Variants in IFT74 observed in about 807,000 individuals in gnomAD.
IFT74 encodes intraflagellar transport 74.
Under a neutral mutation model 96.7 loss-of-function variants are expected in IFT74, and 92 were observed. The ratio of observed to expected loss-of-function variants is 0.95; its 90% CI spans 0.80 to 1.13. The LOEUF is 1.13. IFT74 is among the 50% of genes most tolerant of loss of function. The pLI is 0.00. For synonymous variants in IFT74, 223 were observed against 213.2 expected (o/e 1.05, Z -0.40); for missense variants, 811 against 698.2 (o/e 1.16, Z -1.82).
intron 13 of IFT74, among the ~76,000 whole-genome samples, chr9:27,034,415 C>G (rs1056735931): frequency 6.6e-6 from 1 of 152,084 alleles, no homozygotes; most frequent in African/African-American, 2.4e-5. Flanking sequence ...CTATAGTATA[C>G]TTTTTCATAC....
At chr9:26,950,020 C>T (rs1447439872) in intron 1 of IFT74, among the ~76,000 whole-genome samples, 2 of 151,682 alleles carry the variant, frequency 1.3e-5, no homozygotes, top group Non-Finnish European at 2.9e-5. Context: ...TATAGAAAAG[C>T]AAGCTAATTA....
Position 26,984,436 on chromosome 9 carries a change from G to A in IFT74, c.405-63G>A, listed in dbSNP as rs572346853. ...TGTAGCTATCCATATTGTTTGTAATGTTCATTTTCTTATGTATATTTTTAT... is the reference window on the plus strand; with the variant it reads ...TGTAGCTATCCATATTGTTTGTAATATTCATTTTCTTATGTATATTTTTAT... On this transcript the variant is annotated intron_variant, in intron 5 of 19. Transcript: ENST00000380062. 6.0e-5 allele frequency: 95 copies of A among 1,583,890 alleles called. 2 individuals are homozygous for A. In the South Asian group the frequency reaches 1.1e-3, roughly 18 times the overall value.
intron 8 of IFT74, chr9:26,993,527 T>G (rs1239762848): frequency 6.6e-6 from 1 of 152,578 alleles, no homozygotes; most frequent in African/African-American, 2.4e-5. Context: ...TTATTTTCTC[T>G]CAGTAGACAT....
At chr9:27,014,358 G>T (rs560602098) in intron 10 of IFT74, among the ~76,000 whole-genome samples, 1 of 152,152 alleles carries the variant, frequency 6.6e-6, no homozygotes, top group Admixed American at 6.5e-5. Context: ...CAACCAGCTT[G>T]CAGAATTCCT....
At chr9:27,032,435 A>G (rs1394733064) in intron 13 of IFT74, among the ~76,000 whole-genome samples, 1 of 152,212 alleles carries the variant, frequency 6.6e-6, no homozygotes, top group Non-Finnish European at 1.5e-5. Context: ...TGAAACTTTA[A>G]GCACCTTGAA....
chr9:26,992,794 A>C (rs530335806), intron 8 of IFT74, among the ~76,000 whole-genome samples: 1 of 152,206 alleles, frequency 6.6e-6, no homozygotes, highest in South Asian at 2.1e-4. Context: ...CAACGTCTCA[A>C]TAACACAAAG....
Position 27,044,780 on chromosome 9 carries a change from G to T in IFT74, c.1093G>T (p.Glu365Ter), listed in dbSNP as rs373252887. The T allele has an allele frequency of 6.4e-7, 1 of 1,552,150 alleles. No individual in the cohort carries two copies. Among genetic ancestry groups the T allele is most frequent in the African/African-American group, 1.4e-5 (1 of 72,692 alleles). ...NQKYKELKKR[E>*]EHMDTFIETF... ...GAAATACAAGGAGCTAAAGAAAAGG[G>T]AGGAACATATGGACAGTAAGTGATA... is the stretch of plus-strand genomic sequence containing the variant. The change falls in exon 14 of 20, where the codon GAG becomes TAG. Residue 365 changes from glutamate (E) to a stop codon, truncating the protein, a stop_gained. Transcript: ENST00000380062. LOFTEE classifies it high-confidence loss of function.
intron 8 of IFT74, among the ~76,000 whole-genome samples, chr9:26,991,427 T>A (rs1827863595): frequency 1.3e-5 from 2 of 152,044 alleles, no homozygotes; most frequent in African/African-American, 4.8e-5. Context: ...ATTACGTTGC[T>A]CAGGCTAGTC....
intron 8 of IFT74, among the ~76,000 whole-genome samples, chr9:27,001,727 T>C (rs1427330533): frequency 6.6e-6 from 1 of 152,170 alleles, no homozygotes; most frequent in Non-Finnish European, 1.5e-5. Flanking sequence ...TAACCCCTTT[T>C]TAGATGGGTA....
At chr9:27,028,557 A>G (rs1054031997) in intron 12 of IFT74, among the ~76,000 whole-genome samples, 1 of 152,100 alleles carries the variant, frequency 6.6e-6, no homozygotes, top group Non-Finnish European at 1.5e-5. Context: ...AGAGATCGAG[A>G]CCATCATGGC....
chr9:26,957,849 A>C (rs1039713267), intron 1 of IFT74, among the ~76,000 whole-genome samples: 5 of 151,476 alleles, frequency 3.3e-5, no homozygotes, highest in Non-Finnish European at 7.4e-5. Context: ...GCTGGAGTGC[A>C]GTGGCGCGAT....
intron 7 of IFT74, 138 bp from the exon 8 acceptor site, chr9:26,989,995 AT>A: frequency 2.3e-6 from 1 of 434,600 alleles, no homozygotes; most frequent in East Asian, 3.7e-5. Context: ...CAATTACTTT[AT>A]TTTTCTTCTT....
chr9:26,950,403 C>T (rs1264589768), intron 1 of IFT74, among the ~76,000 whole-genome samples: 1 of 152,170 alleles, frequency 6.6e-6, no homozygotes, highest in East Asian at 1.9e-4. Flanking sequence ...GTTCAAGCCT[C>T]TACCATAATT....
intron 8 of IFT74, chr9:27,005,762 G>A (rs561605526): frequency 2.0e-5 from 3 of 151,648 alleles, no homozygotes; most frequent in South Asian, 4.2e-4. Flanking sequence ...AGATTGACTA[G>A]AAGAATAATT....
intron 13 of IFT74, among the ~76,000 whole-genome samples, chr9:27,031,354 C>G (rs1447561131): frequency 4.0e-5 from 6 of 151,870 alleles, no homozygotes; most frequent in Admixed American, 2.6e-4. Context: ...GTAGTCCCAG[C>G]TACTCAGGAG....
chr9:26,964,575 A>G (rs1156459568), intron 2 of IFT74, among the ~76,000 whole-genome samples: 1 of 152,080 alleles, frequency 6.6e-6, no homozygotes, highest in African/African-American at 2.4e-5. Flanking sequence ...TTTTCATGAT[A>G]TTGATTCTTC....
At chr9:26,999,220 G>A (rs1024578366) in intron 8 of IFT74, among the ~76,000 whole-genome samples, 12 of 152,108 alleles carry the variant, frequency 7.9e-5, no homozygotes, top group African/African-American at 2.9e-4. Context: ...AGTAAACTAA[G>A]AATAAATAGA....
intron 2 of IFT74, among the ~76,000 whole-genome samples, chr9:26,972,626 G>A (rs1826927789): frequency 6.6e-6 from 1 of 152,156 alleles, no homozygotes; most frequent in African/African-American, 2.4e-5. Flanking sequence ...CACTGGGTAA[G>A]TTTTTCATAC....
rs770771280 is a variant in IFT74, at chr9:27,062,745, C to G, written c.*9C>G. On this transcript the variant is annotated 3_prime_UTR_variant, in exon 20 of 20. Transcript: ENST00000380062. ...GCACCAGCGGAAACTGAGTTTAAGT[C>G]CACTGAAAGTCTCTAAGGAAGTATC... 2.2e-6 allele frequency: 3 copies of G among 1,391,976 alleles called. No individual in the cohort carries two copies. Among genetic ancestry groups the G allele is most frequent in the Non-Finnish European group, 3.0e-6 (3 of 986,152 alleles). The allele number at this position is 1,391,976 out of a possible 1,614,324, so 86.2% of individuals were successfully genotyped here. A position where few individuals can be genotyped will look rare whatever the true frequency, so the allele number is the denominator to read the frequency against.
Sources: gnomAD v4.1 joint callset for allele counts (sites outside exome capture counted in the v4.1 genomes callset) on GRCh38, gnomAD v4.1.1 for gene constraint, MANE v1.5 for transcripts, NCBI Gene and HGNC (gene_info 2026-07-23, HGNC 2026-07-21) for gene names.